Variants in SRGAP1 observed in about 807,000 individuals in gnomAD.
SRGAP1 encodes the protein SLIT-ROBO Rho GTPase-activating protein 1.
A neutral mutation model predicts 121.9 loss-of-function variants in SRGAP1; 43 were observed. That is an observed-to-expected ratio of 0.35 (90% CI 0.28 to 0.46). The LOEUF is 0.46. SRGAP1 is among the 20% of genes least tolerant of loss of function. The probability of loss-of-function intolerance (pLI) is 1.00; values close to 1 mark genes in which losing one functional copy is unlikely to be tolerated. For missense variants in SRGAP1, 1,102 were observed against 1,350.9 expected (o/e 0.82, Z 2.89); for synonymous variants, 447 against 485.4 (o/e 0.92, Z 1.04).
intron 3 of SRGAP1, among the ~76,000 whole-genome samples, chr12:63,990,686 C>T (rs1017016253): frequency 1.3e-5 from 2 of 152,132 alleles, no homozygotes; most frequent in Admixed American, 1.3e-4. Context: ...GATGTTCCTG[C>T]AAATTGTACC....
intron 10 of SRGAP1, among the ~76,000 whole-genome samples, chr12:64,084,991 T>A (rs533863738): frequency 6.6e-6 from 1 of 152,302 alleles, no homozygotes; most frequent in African/African-American, 2.4e-5. Flanking sequence ...CCATAATACC[T>A]ACCTTTCTTC....
Position 64,145,169 on chromosome 12 carries a change from A to C in SRGAP1, c.*2497A>C, listed in dbSNP as rs2037031499. 1 of 152,028 alleles carries C rather than the reference A, an allele frequency of 6.6e-6. No homozygotes were observed. The highest frequency in any genetic ancestry group is 6.5e-5 in the Admixed American group (1 of 15,276). The allele number at this position is 152,028 out of a possible 1,614,324, so 9.4% of individuals were successfully genotyped here. A position where few individuals can be genotyped will look rare whatever the true frequency, so the allele number is the denominator to read the frequency against. On this transcript the variant is annotated 3_prime_UTR_variant, in exon 22 of 22. Coordinates refer to ENST00000355086, the MANE Select transcript of SRGAP1 (RefSeq NM_020762.4). ...TTTAAAATAGTAAGAATTCTTAAAA[A>C]CCATATTCCTTGTTTGATGGAAGAG...
At chr12:63,944,906 G>A (rs2031993069) in intron 1 of SRGAP1, among the ~76,000 whole-genome samples, 2 of 152,082 alleles carry the variant, frequency 1.3e-5, no homozygotes, top group African/African-American at 2.4e-5. Flanking sequence ...CACCCCACCC[G>A]GGCAGCAAGC....
At chr12:64,021,302 A>T (rs2034543811) in intron 4 of SRGAP1, among the ~76,000 whole-genome samples, 1 of 152,206 alleles carries the variant, frequency 6.6e-6, no homozygotes, top group South Asian at 2.1e-4. Context: ...CCTGTTTTTT[A>T]AAAATGGGAT....
chr12:63,888,931 G>A (rs755711591), intron 1 of SRGAP1, among the ~76,000 whole-genome samples: 6 of 152,174 alleles, frequency 3.9e-5, no homozygotes, highest in Non-Finnish European at 7.3e-5. Context: ...GGTTGCACCC[G>A]GCAGCCAGAA....
chr12:64,113,830 G>A (rs1032684951), intron 17 of SRGAP1, among the ~76,000 whole-genome samples: 2 of 152,140 alleles, frequency 1.3e-5, no homozygotes, highest in Non-Finnish European at 2.9e-5. Context: ...AAGCATATGT[G>A]AGTCTTCTTA....
At chr12:63,857,852 A>G (rs1270331521) in intron 1 of SRGAP1, among the ~76,000 whole-genome samples, 1 of 152,212 alleles carries the variant, frequency 6.6e-6, no homozygotes, top group Non-Finnish European at 1.5e-5. Context: ...CAGAATTTCC[A>G]GTACAAAATT....
chr12:64,015,951 C>A (rs184088032), intron 3 of SRGAP1, among the ~76,000 whole-genome samples: 1 of 152,156 alleles, frequency 6.6e-6, no homozygotes, highest in East Asian at 1.9e-4. Context: ...AAATAACTTA[C>A]AGCTTTTGTT....
At chr12:63,948,691 G>A (rs1431963243) in intron 1 of SRGAP1, among the ~76,000 whole-genome samples, 1 of 150,814 alleles carries the variant, frequency 6.6e-6, no homozygotes, top group Admixed American at 6.6e-5. Flanking sequence ...CTTGTATGTA[G>A]CAGGCATTTT....
In SRGAP1 at chr12:64,043,430, G is replaced by A; in HGVS notation, c.673-17G>A. 6.2e-7 allele frequency: 1 copy of A among 1,601,728 alleles called. No homozygotes were observed. The highest frequency in any genetic ancestry group is 2.2e-5 in the East Asian group (1 of 44,550). ...ACTTTGCATTCTTTCCCAATGCCTG[G>A]ATCTTCTTCATTCCAGAGACAAGCA... On this transcript the variant is annotated splice_polypyrimidine_tract_variant and intron_variant, in intron 5 of 21. Transcript: ENST00000355086.
At chr12:63,912,085 A>G (rs1352964681) in intron 1 of SRGAP1, among the ~76,000 whole-genome samples, 1 of 152,206 alleles carries the variant, frequency 6.6e-6, no homozygotes, top group Non-Finnish European at 1.5e-5. Context: ...GAAGGGGGAC[A>G]TTATACACCA....
intron 1 of SRGAP1, among the ~76,000 whole-genome samples, chr12:63,963,068 T>C (rs1055121465): frequency 1.3e-5 from 2 of 152,334 alleles, no homozygotes; most frequent in Admixed American, 1.3e-4. Context: ...GCTTATATAC[T>C]ATTTTTGTTT....
chr12:64,133,212 T>G (rs2036811924), intron 21 of SRGAP1, among the ~76,000 whole-genome samples: 1 of 152,234 alleles, frequency 6.6e-6, no homozygotes, highest in African/African-American at 2.4e-5. Flanking sequence ...GTTTTTAATT[T>G]ACTATTTTTC....
At chr12:63,989,161 T>C (rs112497103) in intron 2 of SRGAP1, among the ~76,000 whole-genome samples, 104 of 152,364 alleles carry the variant, frequency 6.8e-4, no homozygotes, top group African/African-American at 2.2e-3. Context: ...TCCCAGTTGC[T>C]CACTGTTTTT....
Position 64,142,246 on chromosome 12 carries a change from T to A in SRGAP1, c.2881-49T>A, listed in dbSNP as rs763610845. On this transcript the variant is annotated intron_variant, in intron 21 of 21. Transcript: ENST00000355086. ...AAGTGTCTGGGTTTCTATACATTAG[T>A]ATTCATTATCAGTCTGTGCTTTCTC... is the stretch of plus-strand genomic sequence containing the variant. 7 of 1,579,046 alleles carry A rather than the reference T, an allele frequency of 4.4e-6. No individual in the cohort carries two copies. In the East Asian group the frequency reaches 1.6e-4, roughly 35 times the overall value.
chr12:64,129,449 C>T (rs1477610200), intron 21 of SRGAP1, among the ~76,000 whole-genome samples: 1 of 152,128 alleles, frequency 6.6e-6, no homozygotes, highest in African/African-American at 2.4e-5. Context: ...TCTGCCTTCC[C>T]CAGCCCACTG....
intron 1 of SRGAP1, among the ~76,000 whole-genome samples, chr12:63,963,341 G>T (rs957312818): frequency 2.6e-5 from 4 of 152,156 alleles, no homozygotes; most frequent in Non-Finnish European, 4.4e-5. Context: ...TCTTTTAAGA[G>T]CAAGGTATAA....
intron 1 of SRGAP1, among the ~76,000 whole-genome samples, chr12:63,968,653 GACTGCTGA>G (rs1189305820): frequency 6.6e-6 from 1 of 152,218 alleles, no homozygotes; most frequent in Non-Finnish European, 1.5e-5. Flanking sequence ...ACCCTGTCAG[GACTGCTGA>G]ACAACGTGAA....
chr12:63,876,580 C>T (rs1019917029), intron 1 of SRGAP1, among the ~76,000 whole-genome samples: 1 of 152,118 alleles, frequency 6.6e-6, no homozygotes, highest in Admixed American at 6.5e-5. Context: ...TATTTAAATA[C>T]TACAAAATTC....
Sources: allele counts gnomAD v4.1 joint callset (sites outside exome capture counted in the v4.1 genomes callset), GRCh38; gene constraint gnomAD v4.1.1; transcripts MANE v1.5; gene names NCBI Gene and HGNC (gene_info 2026-07-23, HGNC 2026-07-21).